Variants in CLIC5 observed in about 807,000 individuals in gnomAD.
CLIC5 encodes CLIC family member 5.
CLIC5 carries 20 observed loss-of-function variants against 24.7 expected under a neutral mutation model. That is an observed-to-expected ratio of 0.81 (90% CI 0.57 to 1.18). The LOEUF is 1.18. CLIC5 is among the 50% of genes most tolerant of loss of function. The pLI is 0.00. For missense variants in CLIC5, 341 were observed against 326.1 expected (o/e 1.05, Z -0.35); for synonymous variants, 159 against 135.6 (o/e 1.17, Z -1.20).
intron 1 of CLIC5, among the ~76,000 whole-genome samples, chr6:46,008,515 A>G (rs573126789): frequency 4.6e-4 from 70 of 152,238 alleles, no homozygotes; most frequent in African/African-American, 1.6e-3. Flanking sequence ...CACTCTCACA[A>G]GCTACTGGAG....
the CLIC5 span, among the ~76,000 whole-genome samples, chr6:46,119,549 C>G: frequency 6.6e-6 from 1 of 152,218 alleles, no homozygotes; most frequent in Non-Finnish European, 1.5e-5. Flanking sequence ...AACTGAGGTA[C>G]CGGGTTCATC....
chr6:46,021,413 T>C (rs1767179579), intron 1 of CLIC5, among the ~76,000 whole-genome samples: 1 of 152,208 alleles, frequency 6.6e-6, no homozygotes, highest in African/African-American at 2.4e-5. Flanking sequence ...ATGGCCCACT[T>C]ACCATCTTCT....
chr6:45,943,098 A>C (rs1561952278), intron 3 of CLIC5, among the ~76,000 whole-genome samples: 1 of 152,204 alleles, frequency 6.6e-6, no homozygotes, highest in South Asian at 2.1e-4. Context: ...GAACAACTCT[A>C]TTGGTACTAT....
At chr6:45,957,335 C>G (rs760727466) in intron 1 of CLIC5, among the ~76,000 whole-genome samples, 1 of 152,072 alleles carries the variant, frequency 6.6e-6, no homozygotes, top group East Asian at 1.9e-4. Flanking sequence ...TCCTGAGAAG[C>G]CTGTGAAGTG....
intron 1 of CLIC5, among the ~76,000 whole-genome samples, chr6:46,078,486 T>C (rs567491176): frequency 1.4e-4 from 22 of 152,292 alleles, no homozygotes; most frequent in Admixed American, 1.3e-3. Context: ...CCAAACTCAG[T>C]ACACATCTCA....
At chr6:46,108,074 A>G in the CLIC5 span, among the ~76,000 whole-genome samples, 1 of 145,776 alleles carries the variant, frequency 6.9e-6, no homozygotes, top group African/African-American at 2.5e-5. Flanking sequence ...GGATACAGAA[A>G]GTTGGAAAGA....
chr6:45,910,179 G>T (rs1264050138), intron 5 of CLIC5, among the ~76,000 whole-genome samples: 1 of 151,944 alleles, frequency 6.6e-6, no homozygotes, highest in Non-Finnish European at 1.5e-5. Context: ...GCAATCACAG[G>T]TTCTTCACTT....
chr6:46,075,994 C>T lies in CLIC5; in HGVS notation c.540+3709G>A, dbSNP rs551200923. Among the ~76,000 whole-genome samples, 34 of 152,308 alleles carry T rather than the reference C, an allele frequency of 2.2e-4. No individual in the cohort carries two copies. In the South Asian group the frequency reaches 6.2e-3, roughly 28 times the overall value. ...ATGCTCCACTGCTGTCACAGTAACG[C>T]ACCCTCATCTCTTGCCTGAAGTTTG... On this transcript the variant is annotated intron_variant, in intron 1 of 5. Coordinates refer to the CLIC5 transcript ENST00000185206.
chr6:46,109,658 T>G, the CLIC5 span, among the ~76,000 whole-genome samples: 1 of 152,076 alleles, frequency 6.6e-6, no homozygotes, highest in Non-Finnish European at 1.5e-5. Flanking sequence ...TTTGAAACAT[T>G]GCTGATTCTT....
the CLIC5 span, among the ~76,000 whole-genome samples, chr6:46,112,172 C>T: frequency 6.6e-6 from 1 of 151,972 alleles, no homozygotes; most frequent in Non-Finnish European, 1.5e-5. Flanking sequence ...CAGAAGTAAC[C>T]CTGCAAAGCT....
chr6:46,086,771 C>T, the CLIC5 span, among the ~76,000 whole-genome samples: 3 of 152,258 alleles, frequency 2.0e-5, no homozygotes, highest in East Asian at 5.8e-4. Flanking sequence ...ACTGGCACAT[C>T]GTAGCATGAT....
At chr6:46,093,621 C>T in the CLIC5 span, among the ~76,000 whole-genome samples, 5 of 152,184 alleles carry the variant, frequency 3.3e-5, no homozygotes, top group Admixed American at 2.6e-4. Flanking sequence ...AGACTGACAA[C>T]ATCAGATATT....
the CLIC5 span, among the ~76,000 whole-genome samples, chr6:46,097,952 G>A: frequency 2.0e-5 from 3 of 152,132 alleles, no homozygotes; most frequent in African/African-American, 7.2e-5. Flanking sequence ...CTTCTTACTG[G>A]GTCTCAAAGC....
the CLIC5 span, among the ~76,000 whole-genome samples, chr6:46,110,633 G>GAGGT: frequency 6.6e-6 from 1 of 152,146 alleles, no homozygotes. Context: ...GACCTTATAA[G>GAGGT]AGGTAGGTAG....
At chr6:45,968,983 T>A (rs1038206955) in intron 1 of CLIC5, among the ~76,000 whole-genome samples, 1 of 152,234 alleles carries the variant, frequency 6.6e-6, no homozygotes, top group Non-Finnish European at 1.5e-5. Flanking sequence ...ATCTTGTTAT[T>A]TTTAAAGTGA....
chr6:46,106,610 A>G, the CLIC5 span, among the ~76,000 whole-genome samples: 1 of 152,328 alleles, frequency 6.6e-6, no homozygotes, highest in South Asian at 2.1e-4. Context: ...TCTCCAAAAT[A>G]TGACTTTCTG....
At chr6:46,046,826 C>T (rs1379494536) in intron 1 of CLIC5, among the ~76,000 whole-genome samples, 8 of 152,130 alleles carry the variant, frequency 5.3e-5, no homozygotes, top group African/African-American at 1.7e-4. Context: ...AAGTGTGGTG[C>T]CCAAGATGGC....
At chr6:46,010,902 T>G (rs73738333) in intron 1 of CLIC5, among the ~76,000 whole-genome samples, 1,801 of 152,254 alleles carry the variant, frequency 0.012, 22 homozygotes, top group African/African-American at 0.04. Flanking sequence ...AAAAACCTAG[T>G]GAGCTCATGC....
the CLIC5 span, among the ~76,000 whole-genome samples, chr6:46,100,686 C>A: frequency 5.9e-5 from 9 of 152,106 alleles, no homozygotes; most frequent in Non-Finnish European, 1.2e-4. Context: ...TAAATATAGT[C>A]ATAATGTAAG....
Sources: allele counts gnomAD v4.1 joint callset (sites outside exome capture counted in the v4.1 genomes callset), GRCh38; gene constraint gnomAD v4.1.1; transcripts MANE v1.5; gene names NCBI Gene and HGNC (gene_info 2026-07-23, HGNC 2026-07-21).